DAB1: variants seen among roughly 807,000 people sequenced by gnomAD.
DAB1 encodes the protein disabled homolog 1.
A neutral mutation model predicts 64.6 loss-of-function variants in DAB1; 15 were observed. The ratio of observed to expected loss-of-function variants is 0.23; its 90% CI spans 0.16 to 0.36. The LOEUF (loss-of-function observed/expected upper bound fraction) is 0.36. Ranked by LOEUF, DAB1 falls within the 10% of genes least tolerant of loss-of-function variation. DAB1 has a pLI of 1.00. For missense variants in DAB1, 596 were observed against 706.7 expected, an observed-to-expected ratio of 0.84 and a Z score of 1.78; for synonymous variants, 235 against 251.9, an observed-to-expected ratio of 0.93 and a Z score of 0.64.
intron 4 of DAB1, among the ~76,000 whole-genome samples, chr1:58,168,982 T>C (rs1656013113): frequency 6.6e-6 from 1 of 152,158 alleles, no homozygotes; most frequent in South Asian, 2.1e-4. Context: ...CGAGAATGCA[T>C]TGGTAAGGGC....
chr1:57,322,062 C>T (rs1675767924), intron 1 of DAB1, among the ~76,000 whole-genome samples: 1 of 152,182 alleles, frequency 6.6e-6, no homozygotes, highest in Non-Finnish European at 1.5e-5. Flanking sequence ...CTAGCTATGT[C>T]CTGTGGAGCA....
chr1:58,085,294 A>G (rs1570331812), intron 5 of DAB1, among the ~76,000 whole-genome samples: 1 of 152,222 alleles, frequency 6.6e-6, no homozygotes, highest in African/African-American at 2.4e-5. Context: ...TGTCCTTAGT[A>G]TAGGTGAGCA....
chr1:58,194,029 G>C (rs1657534652), intron 4 of DAB1, among the ~76,000 whole-genome samples: 1 of 152,206 alleles, frequency 6.6e-6, no homozygotes, highest in Admixed American at 6.5e-5. Flanking sequence ...TAAAGAATTT[G>C]CTGCTGCAGC....
intron 5 of DAB1, among the ~76,000 whole-genome samples, chr1:57,891,912 G>A (rs1270880184): frequency 6.6e-6 from 1 of 152,156 alleles, no homozygotes; most frequent in Non-Finnish European, 1.5e-5. Context: ...GTTGATGGGT[G>A]CAGGAAACCA....
intron 3 of DAB1, among the ~76,000 whole-genome samples, chr1:58,402,287 C>T (rs904446252): frequency 5.3e-5 from 8 of 152,184 alleles, no homozygotes; most frequent in East Asian, 1.9e-4. Context: ...TTCGGCCCAG[C>T]GATTAGATGG....
chr1:57,052,962 G>A (rs572734891), intron 9 of DAB1, among the ~76,000 whole-genome samples: 1 of 152,226 alleles, frequency 6.6e-6, no homozygotes, highest in East Asian at 1.9e-4. Flanking sequence ...TAAAATAACT[G>A]GAGGCAACTA....
chr1:57,430,368 G>C (rs1685454048), intron 7 of DAB1, among the ~76,000 whole-genome samples: 1 of 148,574 alleles, frequency 6.7e-6, no homozygotes, highest in South Asian at 2.2e-4. Flanking sequence ...AAGCTCTCAA[G>C]TTAATACAAT....
upstream of DAB1, among the ~76,000 whole-genome samples, chr1:57,428,841 CA>C (rs55678877): frequency 0.28 from 19,502 of 69,472 alleles, 1,672 homozygotes; most frequent in East Asian, 0.54. Flanking sequence ...TTGTCTTTTA[CA>C]AAAAAAAAAA....
At chr1:57,803,797 A>T (rs141090104) in intron 6 of DAB1, among the ~76,000 whole-genome samples, 103 of 152,288 alleles carry the variant, frequency 6.8e-4, no homozygotes, top group African/African-American at 2.4e-3. Context: ...AGCTACTCTA[A>T]CTATGTGTCA....
chr1:57,381,334 T>A (rs1243108551), intron 1 of DAB1, among the ~76,000 whole-genome samples: 1 of 152,172 alleles, frequency 6.6e-6, no homozygotes, highest in Non-Finnish European at 1.5e-5. Flanking sequence ...CCTTGGGTAA[T>A]CAACTCAAGC....
intron 7 of DAB1, 129 bp downstream of exon 7, chr1:57,070,894 C>A (rs1651391385): frequency 2.4e-6 from 2 of 839,048 alleles, no homozygotes; most frequent in East Asian, 5.0e-5. Context: ...GCAGCCCTCA[C>A]CCTCAGAAAT....
At chr1:57,100,593 A>C (rs1225608260) in intron 4 of DAB1, among the ~76,000 whole-genome samples, 1 of 152,236 alleles carries the variant, frequency 6.6e-6, no homozygotes, top group East Asian at 1.9e-4. Flanking sequence ...TTATAATGTG[A>C]GAAAAAAATG....
rs184532547 is a variant in DAB1, at chr1:57,342,704, C to T, written c.-136-51538G>A. On this transcript the variant is annotated intron_variant, in intron 1 of 14. Transcript: ENST00000371236. ...TCCGGAGTTTGTTCCTTCTGATGTTCGGATGTGTTCAGAGTTTCTTCCTTA... is the reference window on the plus strand; with the variant it reads ...TCCGGAGTTTGTTCCTTCTGATGTTTGGATGTGTTCAGAGTTTCTTCCTTA... Among the ~76,000 whole-genome samples, 19 of 152,228 alleles carry T rather than the reference C, an allele frequency of 1.2e-4. 1 individual carries two copies. In the East Asian group the frequency reaches 3.7e-3, roughly 30 times the overall value.
chr1:57,984,143 A>G (rs1318777214), intron 5 of DAB1, among the ~76,000 whole-genome samples: 5 of 149,274 alleles, frequency 3.3e-5, no homozygotes. Flanking sequence ...CCTTGGTAAT[A>G]TAACAGTTGC....
intron 4 of DAB1, among the ~76,000 whole-genome samples, chr1:58,213,123 G>A (rs567429927): frequency 4.5e-4 from 68 of 152,286 alleles, no homozygotes; most frequent in Admixed American, 2.4e-3. Context: ...AATCCGAAAA[G>A]GTCAATGTGA....
chr1:57,646,429 T>G (rs1646191697), intron 7 of DAB1, among the ~76,000 whole-genome samples: 1 of 152,134 alleles, frequency 6.6e-6, no homozygotes, highest in Admixed American at 6.5e-5. Context: ...CCTTTGAAAG[T>G]CACTGAGTAC....
intron 7 of DAB1, among the ~76,000 whole-genome samples, chr1:57,520,417 T>A (rs1644511757): frequency 6.6e-6 from 1 of 152,212 alleles, no homozygotes; most frequent in Non-Finnish European, 1.5e-5. Context: ...TTTTCTAAGT[T>A]CATATGACTA....
At chr1:57,834,147 A>G (rs1427797955) in intron 1 of DAB1, among the ~76,000 whole-genome samples, 1 of 152,236 alleles carries the variant, frequency 6.6e-6, no homozygotes, top group Non-Finnish European at 1.5e-5. Flanking sequence ...AATAGTAAGC[A>G]CTGTAATAGT....
chr1:58,410,157 C>T (rs1008284384), intron 3 of DAB1, among the ~76,000 whole-genome samples: 2 of 152,224 alleles, frequency 1.3e-5, no homozygotes, highest in Non-Finnish European at 2.9e-5. Context: ...ACTTCATCAG[C>T]ATGCTGGGCT....
Sources: allele counts gnomAD v4.1 joint callset (sites outside exome capture counted in the v4.1 genomes callset), GRCh38; gene constraint gnomAD v4.1.1; transcripts MANE v1.5; gene names NCBI Gene and HGNC (gene_info 2026-07-23, HGNC 2026-07-21).